The following CEP89 variants were observed in gnomAD, a reference collection of about 807,000 sequenced individuals.
The protein encoded by CEP89 is centrosomal protein of 89 kDa.
CEP89 carries 95 observed loss-of-function variants against 97.6 expected under a neutral mutation model. The observed-to-expected ratio is 0.97, with a 90% CI of 0.82 to 1.15. The LOEUF (loss-of-function observed/expected upper bound fraction) is 1.15. Among genes scored for constraint, CEP89 ranks in the 50% most tolerant of loss-of-function variants. The probability of loss-of-function intolerance (pLI) is 0.00; values close to 1 mark genes in which losing one functional copy is unlikely to be tolerated. For synonymous variants in CEP89, 354 were observed against 349.1 expected, an observed-to-expected ratio of 1.01 and a Z score of -0.16; for missense variants, 869 against 947.7, an observed-to-expected ratio of 0.92 and a Z score of 1.09.
At chr19:32,926,437 C>T (rs147359729) in intron 10 of CEP89, among the ~76,000 whole-genome samples, 164 bp from the exon 11 acceptor site, 34 of 152,292 alleles carry the variant, frequency 2.2e-4, no homozygotes, top group African/African-American at 6.3e-4. Context: ...GAACAACCAA[C>T]ATTTCTCTCC....
At chr19:32,890,195 C>G (rs1206039787) in intron 16 of CEP89, among the ~76,000 whole-genome samples, 1 of 152,124 alleles carries the variant, frequency 6.6e-6, no homozygotes, top group South Asian at 2.1e-4. Context: ...GTCAGGAGAT[C>G]GAGACCATCC....
At chr19:32,914,958 G>A (rs150675998) in intron 14 of CEP89, among the ~76,000 whole-genome samples, 136 of 151,976 alleles carry the variant, frequency 8.9e-4, no homozygotes, top group East Asian at 7.8e-4. Flanking sequence ...GGAGGTGGAG[G>A]TTACAGGTGC....
chr19:32,937,528 A>T, intron 7 of CEP89, 103 bp downstream of exon 7: 1 of 981,342 alleles, frequency 1.0e-6, no homozygotes, highest in Non-Finnish European at 1.6e-6. Context: ...TTCAACAACT[A>T]ATACAAGAAA....
At chr19:32,885,738 T>C (rs889425240) in intron 17 of CEP89, among the ~76,000 whole-genome samples, 3 of 152,220 alleles carry the variant, frequency 2.0e-5, no homozygotes, top group African/African-American at 7.2e-5. Flanking sequence ...TCTTCTTTTA[T>C]TTCAGAAAGG....
At chr19:32,898,921 G>A (rs966024012) in intron 16 of CEP89, among the ~76,000 whole-genome samples, 1 of 149,924 alleles carries the variant, frequency 6.7e-6, no homozygotes, top group Non-Finnish European at 1.5e-5. Context: ...TTGTGGTGAT[G>A]GATAGCCCAA....
Position 32,879,369 on chromosome 19 carries a change from T to C in CEP89, c.2145A>G (p.Glu715=). 3 of 1,613,636 alleles carry C rather than the reference T, an allele frequency of 1.9e-6. No homozygotes were observed. Among genetic ancestry groups the C allele is most frequent in the Non-Finnish European group, 2.5e-6 (3 of 1,179,492 alleles). ...DQALQQNREM[E]GELEVIWEST... is the part of the protein sequence containing the mutation. ...ATTCCCAAATAACTTCAAGTTCACC[T>C]TCCATTTCTCTGAGGGAAATAAGTT... The change falls in exon 19 of 19, where the codon GAA becomes GAG. Residue 715 remains glutamate, a synonymous_variant. Transcript: ENST00000305768.
intron 1 of CEP89, chr19:32,970,261 GA>G (rs1192810875): frequency 6.6e-6 from 1 of 152,254 alleles, no homozygotes; most frequent in Non-Finnish European, 1.5e-5. Context: ...ATTGTGTACA[GA>G]ATTATTTATG....
intron 3 of CEP89, among the ~76,000 whole-genome samples, chr19:32,955,872 A>C (rs920609690): frequency 6.6e-6 from 1 of 152,134 alleles, no homozygotes; most frequent in Non-Finnish European, 1.5e-5. Context: ...TACATACTGC[A>C]CAAAATCATT....
At chr19:32,934,861 C>T (rs1422653245) in intron 7 of CEP89, among the ~76,000 whole-genome samples, 1 of 152,060 alleles carries the variant, frequency 6.6e-6, no homozygotes, top group Admixed American at 6.6e-5. Flanking sequence ...ACCTGCAATC[C>T]CAGCACTTTG....
intron 5 of CEP89, among the ~76,000 whole-genome samples, chr19:32,942,994 C>G (rs1425781725): frequency 6.6e-6 from 1 of 152,030 alleles, no homozygotes; most frequent in Non-Finnish European, 1.5e-5. Context: ...GATGATCTTC[C>G]TGCCTCAGCC....
intron 5 of CEP89, among the ~76,000 whole-genome samples, chr19:32,943,143 G>T (rs1970723732): frequency 6.6e-6 from 1 of 152,232 alleles, no homozygotes; most frequent in Non-Finnish European, 1.5e-5. Flanking sequence ...GTCTACAGGT[G>T]TGTGCCATTA....
intron 12 of CEP89, 65 bp from the exon 13 acceptor site, chr19:32,918,404 G>C: frequency 4.3e-6 from 5 of 1,172,452 alleles, no homozygotes; most frequent in Non-Finnish European, 3.8e-6. Context: ...AAACACTCTG[G>C]AATCTAAAAG....
Position 32,878,717 on chromosome 19 carries a change from C to G in CEP89, c.*445G>C, listed in dbSNP as rs1051713364. ...GCGCAGTGGCTCACACGTGTCATTC[C>G]CGCACTTTGGGAGGCCAAGGCAGGA... On this transcript the variant is annotated 3_prime_UTR_variant, in exon 19 of 19. Transcript: ENST00000305768. The G allele has an allele frequency of 1.9e-5, 3 of 154,618 alleles. No homozygotes were observed. The highest frequency in any genetic ancestry group is 7.2e-5 in the African/African-American group (3 of 41,558). 9.6% of individuals were successfully genotyped at this position (154,618 alleles called of 1,614,324 possible).
intron 9 of CEP89, 129 bp downstream of exon 9, chr19:32,931,300 C>T (rs369046137): frequency 5.5e-5 from 44 of 796,778 alleles, no homozygotes; most frequent in African/African-American, 4.8e-4. Context: ...TCCTTAGAAA[C>T]ATTGTGCCTT....
chr19:32,913,432 T>A lies in CEP89; in HGVS notation c.1565+1905A>T, dbSNP rs1367818252. On this transcript the variant is annotated intron_variant, in intron 14 of 18. Coordinates refer to ENST00000305768, the MANE Select transcript of CEP89 (RefSeq NM_032816.5). ...ACCAATTGGCCAATTACCAATTACA[T>A]ACATACCATACATAGGTATATATAT... Among the ~76,000 whole-genome samples, 3 of 151,764 alleles carry A rather than the reference T, an allele frequency of 2.0e-5. No individual in the cohort carries two copies. The East Asian group carries it at 5.8e-4, about 29-fold the overall frequency.
chr19:32,930,346 A>G (rs754681652), intron 9 of CEP89, among the ~76,000 whole-genome samples: 44 of 152,208 alleles, frequency 2.9e-4, no homozygotes, highest in Non-Finnish European at 5.1e-4. Context: ...TTGATTTAAC[A>G]AAAGTGCTCT....
chr19:32,898,462 A>T (rs1373517091), intron 16 of CEP89, among the ~76,000 whole-genome samples: 1 of 152,238 alleles, frequency 6.6e-6, no homozygotes, highest in Non-Finnish European at 1.5e-5. Context: ...ATAAGCATAC[A>T]GTTAGATAGA....
intron 14 of CEP89, among the ~76,000 whole-genome samples, chr19:32,911,042 C>A (rs958792277): frequency 1.3e-5 from 2 of 152,230 alleles, no homozygotes; most frequent in Non-Finnish European, 2.9e-5. Context: ...TAGGCTTTCA[C>A]AGGACTGGCA....
intron 8 of CEP89, among the ~76,000 whole-genome samples, chr19:32,932,487 T>A (rs1298529282): frequency 6.6e-6 from 1 of 152,074 alleles, no homozygotes; most frequent in Non-Finnish European, 1.5e-5. Context: ...AAAAATGACT[T>A]AATACCAAGA....
Sources: gnomAD v4.1 joint callset for allele counts (sites outside exome capture counted in the v4.1 genomes callset) on GRCh38, gnomAD v4.1.1 for gene constraint, MANE v1.5 for transcripts, NCBI Gene and HGNC (gene_info 2026-07-23, HGNC 2026-07-21) for gene names.